The following VTI1A variants were observed in gnomAD, a reference collection of about 807,000 sequenced individuals.
VTI1A encodes vesicle transport through interaction with t-SNAREs 1A.
A neutral mutation model predicts 34.9 loss-of-function variants in VTI1A; 22 were observed. The observed-to-expected ratio is 0.63, with a 90% confidence interval of 0.45 to 0.90. The LOEUF is 0.90. VTI1A is among the 40% of genes least tolerant of loss of function. The probability of loss-of-function intolerance (pLI) is 0.00; values close to 1 mark genes in which losing one functional copy is unlikely to be tolerated. For missense variants in VTI1A, 268 were observed against 275.6 expected (o/e 0.97, Z 0.20); for synonymous variants, 87 against 97.3 (o/e 0.89, Z 0.62).
chr10:112,529,669 A>G (rs1850357374), intron 4 of VTI1A, among the ~76,000 whole-genome samples: 1 of 152,152 alleles, frequency 6.6e-6, no homozygotes. Flanking sequence ...ATAAATGGAT[A>G]AAACTTGGAG....
intron 3 of VTI1A, among the ~76,000 whole-genome samples, chr10:112,469,530 T>C (rs968881968): frequency 6.6e-6 from 1 of 152,246 alleles, no homozygotes; most frequent in African/African-American, 2.4e-5. Flanking sequence ...GATAATTTAC[T>C]GGCAAATCAG....
chr10:112,594,177 G>A (rs1844521034), intron 5 of VTI1A, among the ~76,000 whole-genome samples: 1 of 152,122 alleles, frequency 6.6e-6, no homozygotes, highest in African/African-American at 2.4e-5. Flanking sequence ...AAAGTGCTGG[G>A]ATTACAGGCG....
chr10:112,628,568 G>C lies in VTI1A; in HGVS notation c.428-39650G>C, dbSNP rs759834562. Among the ~76,000 whole-genome samples, 102 of 152,190 alleles carry C rather than the reference G, an allele frequency of 6.7e-4. 1 individual carries two copies. The highest frequency in any genetic ancestry group is 2.6e-4 in the Admixed American group (4 of 15,280). On this transcript the variant is annotated intron_variant, in intron 5 of 7. Coordinates refer to ENST00000393077, the MANE Select transcript of VTI1A (RefSeq NM_145206.4). ...AGACCATATTTTACAGATTTCCATG[G>C]TTTAATAGTTGTTCAACCAACTGCC...
intron 7 of VTI1A, among the ~76,000 whole-genome samples, chr10:112,673,036 G>T (rs1368070924): frequency 6.6e-6 from 1 of 152,112 alleles, no homozygotes; most frequent in Non-Finnish European, 1.5e-5. Context: ...AATGGCATAA[G>T]CCAGGTGTGG....
chr10:112,780,262 C>A (rs1292229946), intron 7 of VTI1A, among the ~76,000 whole-genome samples: 1 of 147,902 alleles, frequency 6.8e-6, no homozygotes, highest in African/African-American at 2.5e-5. Flanking sequence ...CAGAGCAAGA[C>A]CCTGTCTCTA....
intron 5 of VTI1A, among the ~76,000 whole-genome samples, chr10:112,626,313 T>G (rs1845920620): frequency 6.6e-6 from 1 of 152,200 alleles, no homozygotes; most frequent in Non-Finnish European, 1.5e-5. Context: ...CATGTGGCTA[T>G]ATCTTTATTT....
chr10:112,846,657 T>G, the VTI1A span, among the ~76,000 whole-genome samples: 1 of 151,158 alleles, frequency 6.6e-6, no homozygotes, highest in Non-Finnish European at 1.5e-5. Context: ...TCCCAGCTAC[T>G]CAAGAGGCTG....
intron 5 of VTI1A, among the ~76,000 whole-genome samples, chr10:112,539,910 A>G (rs896642870): frequency 2.6e-5 from 4 of 152,172 alleles, no homozygotes; most frequent in Admixed American, 2.6e-4. Flanking sequence ...AAATTTATAA[A>G]TAGTAAAGGA....
At chr10:112,800,265 G>T (rs1852831067) in intron 7 of VTI1A, among the ~76,000 whole-genome samples, 1 of 152,210 alleles carries the variant, frequency 6.6e-6, no homozygotes, top group South Asian at 2.1e-4. Flanking sequence ...GGAGCTGAAG[G>T]CAGGGATTCC....
chr10:112,562,258 T>G (rs1488274357), intron 5 of VTI1A, among the ~76,000 whole-genome samples: 1 of 152,174 alleles, frequency 6.6e-6, no homozygotes, highest in African/African-American at 2.4e-5. Context: ...TTAGAAACAG[T>G]CTATATTTTT....
intron 1 of VTI1A, among the ~76,000 whole-genome samples, chr10:112,454,990 C>T (rs1011268558): frequency 5.3e-5 from 8 of 151,818 alleles, no homozygotes; most frequent in South Asian, 2.1e-4. Flanking sequence ...TAATGATAGC[C>T]CTTAGTTACA....
chr10:112,726,752 T>C (rs1850042801), intron 7 of VTI1A, among the ~76,000 whole-genome samples: 2 of 152,182 alleles, frequency 1.3e-5, no homozygotes, highest in African/African-American at 4.8e-5. Context: ...TCAGGGTATC[T>C]TGGAGTTTCA....
chr10:112,457,176 T>A (rs1261972510), intron 1 of VTI1A, among the ~76,000 whole-genome samples: 2 of 152,132 alleles, frequency 1.3e-5, no homozygotes, highest in Non-Finnish European at 2.9e-5. Context: ...CTCTGAAATG[T>A]CGAGGACCTT....
At chr10:112,606,524 C>T (rs1213991149) in intron 5 of VTI1A, among the ~76,000 whole-genome samples, 1 of 152,168 alleles carries the variant, frequency 6.6e-6, no homozygotes, top group Non-Finnish European at 1.5e-5. Context: ...TGTGTGAGGA[C>T]AAGAACTAAT....
chr10:112,471,590 A>G (rs1848086357), intron 3 of VTI1A, among the ~76,000 whole-genome samples: 1 of 152,040 alleles, frequency 6.6e-6, no homozygotes, highest in Non-Finnish European at 1.5e-5. Context: ...ACCCGTTTTA[A>G]TGTTCTCTTC....
At chr10:112,627,035 C>T (rs1845946845) in intron 5 of VTI1A, among the ~76,000 whole-genome samples, 1 of 152,180 alleles carries the variant, frequency 6.6e-6, no homozygotes, top group Non-Finnish European at 1.5e-5. Flanking sequence ...CCACAGTTGC[C>T]TGGCAGATAA....
chr10:112,458,254 T>C (rs1451782693), intron 1 of VTI1A, among the ~76,000 whole-genome samples: 1 of 152,222 alleles, frequency 6.6e-6, no homozygotes, highest in African/African-American at 2.4e-5. Flanking sequence ...ATGTTCCTCC[T>C]GATACGTAAA....
the VTI1A span, among the ~76,000 whole-genome samples, chr10:112,838,813 C>T: frequency 6.6e-6 from 1 of 152,236 alleles, no homozygotes; most frequent in Non-Finnish European, 1.5e-5. Context: ...CCCGATCCTG[C>T]ATCTCCCTAG....
chr10:112,483,565 G>T (rs1848520073), intron 3 of VTI1A, among the ~76,000 whole-genome samples: 1 of 152,102 alleles, frequency 6.6e-6, no homozygotes, highest in African/African-American at 2.4e-5. Flanking sequence ...ATTGAAATTT[G>T]GGCCTGAATA....
Sources: allele counts gnomAD v4.1 joint callset (sites outside exome capture counted in the v4.1 genomes callset), GRCh38; gene constraint gnomAD v4.1.1; transcripts MANE v1.5; gene names NCBI Gene and HGNC (gene_info 2026-07-23, HGNC 2026-07-21).